CELF2: variants seen among roughly 807,000 people sequenced by gnomAD.
CELF2 encodes the protein CUGBP Elav-like family member 2, also known as CUG triplet repeat RNA-binding protein 2.
CELF2 carries 8 observed loss-of-function variants against 62.6 expected under a neutral mutation model. The observed-to-expected ratio is 0.13, with a 90% CI of 0.07 to 0.23. The LOEUF is 0.23. Ranked by LOEUF, CELF2 falls within the 10% of genes least tolerant of loss-of-function variation. The probability of loss-of-function intolerance (pLI) is 1.00; values close to 1 mark genes in which losing one functional copy is unlikely to be tolerated. For synonymous variants in CELF2, 258 were observed against 250.0 expected (o/e 1.03, Z -0.30); for missense variants, 333 against 671.0 (o/e 0.50, Z 5.56).
chr10:10,986,534 A>C (rs1343271089), intron 2 of CELF2, among the ~76,000 whole-genome samples: 1 of 152,220 alleles, frequency 6.6e-6, no homozygotes, highest in Non-Finnish European at 1.5e-5. Context: ...ATTGATACCC[A>C]ATTAGTAGAA....
chr10:10,750,284 G>GAAAAA, the CELF2 span, among the ~76,000 whole-genome samples: 2 of 110,818 alleles, frequency 1.8e-5, no homozygotes, highest in Non-Finnish European at 2.0e-5. Flanking sequence ...CCATCTCAAA[G>GAAAAA]AAAAAAAAAA....
intron 9 of CELF2, among the ~76,000 whole-genome samples, chr10:11,304,812 A>G (rs1043779457): frequency 1.3e-5 from 2 of 152,038 alleles, no homozygotes; most frequent in Admixed American, 1.3e-4. Context: ...TCCATCTACA[A>G]TTTTCTCTTT....
intron 1 of CELF2, among the ~76,000 whole-genome samples, chr10:11,132,939 G>T (rs769066910): frequency 6.6e-6 from 1 of 152,214 alleles, no homozygotes; most frequent in Non-Finnish European, 1.5e-5. Context: ...GGTGATGGTG[G>T]TGGTGATCTG....
chr10:10,553,535 T>A, the CELF2 span, among the ~76,000 whole-genome samples: 1 of 152,038 alleles, frequency 6.6e-6, no homozygotes, highest in African/African-American at 2.4e-5. Flanking sequence ...CCACAGCACC[T>A]TATATGCCAG....
chr10:11,266,843 CTT>C (rs1176102220), intron 6 of CELF2, among the ~76,000 whole-genome samples, 166 bp downstream of exon 6: 1 of 135,708 alleles, frequency 7.4e-6, no homozygotes, highest in African/African-American at 2.7e-5. Flanking sequence ...CTCTCTCTCT[CTT>C]TCTCTATGCA....
At position 11,316,165 on chromosome 10, in the gene CELF2, G is replaced by A. The variant is rs751794405; in HGVS notation, c.1096+1907G>A. 6.6e-6 allele frequency among the ~76,000 whole-genome samples: 1 copy of A among 152,196 alleles called. No individual in the cohort carries two copies. The highest frequency in any genetic ancestry group is 1.5e-5 in the Non-Finnish European group (1 of 68,038). ...CTTGTGTGATACACATTTTGCTTCT[G>A]GCAAGGACAACAGGCTTAAATTGTT... On this transcript the variant is annotated intron_variant, in intron 10 of 12. Coordinates refer to ENST00000633077, the MANE Select transcript of CELF2 (RefSeq NM_001326342.2). The surrounding 1 kb of genome is among the most constrained non-coding windows in gnomAD (Gnocchi z 4.4).
chr10:10,513,673 G>C, the CELF2 span, among the ~76,000 whole-genome samples: 1 of 152,028 alleles, frequency 6.6e-6, no homozygotes, highest in Admixed American at 6.6e-5. Context: ...AATCCAAAAG[G>C]TGTATCTTAA....
chr10:10,673,944 T>C, the CELF2 span, among the ~76,000 whole-genome samples: 3 of 152,312 alleles, frequency 2.0e-5, no homozygotes, highest in African/African-American at 7.2e-5. Flanking sequence ...TAGCTCAGAA[T>C]ATTGTCTGTC....
chr10:11,279,051 T>C (rs923312359), intron 8 of CELF2, among the ~76,000 whole-genome samples: 2 of 152,212 alleles, frequency 1.3e-5, no homozygotes, highest in African/African-American at 4.8e-5. Flanking sequence ...ACAGGAAAGC[T>C]GCCTCCCTTC....
In CELF2 at chr10:11,177,353, C is replaced by T. The variant is rs2071578588; in HGVS notation, c.271+11671C>T. ...CTTTCTGTGTTGCTTCTTAAATATA[C>T]TCCTTCAAGTCAGGTTAGCTTACCT... On this transcript the variant is annotated intron_variant, in intron 2 of 12. Coordinates refer to ENST00000633077, the MANE Select transcript of CELF2 (RefSeq NM_001326342.2). This position sits in a 1 kb window ranked among gnomAD's most constrained non-coding sequence, Gnocchi z 4.8. 6.6e-6 allele frequency among the ~76,000 whole-genome samples: 1 copy of T among 151,060 alleles called. No individual in the cohort carries two copies. The highest frequency in any genetic ancestry group is 1.5e-5 in the Non-Finnish European group (1 of 67,876).
At chr10:11,262,738 C>G (rs1423694690) in intron 5 of CELF2, among the ~76,000 whole-genome samples, 2 of 152,122 alleles carry the variant, frequency 1.3e-5, no homozygotes, top group Non-Finnish European at 2.9e-5. Context: ...TTAAAAGATA[C>G]AAGGAAGATT....
At chr10:11,077,349 A>G (rs1467853794) in intron 1 of CELF2, among the ~76,000 whole-genome samples, 2 of 152,216 alleles carry the variant, frequency 1.3e-5, no homozygotes, top group African/African-American at 4.8e-5. Flanking sequence ...CAGGGAAAGT[A>G]AGGAAACACG....
chr10:10,491,831 G>A, the CELF2 span, among the ~76,000 whole-genome samples: 10 of 152,154 alleles, frequency 6.6e-5, no homozygotes, highest in Non-Finnish European at 1.2e-4. Flanking sequence ...CACGTCTAAA[G>A]AACATCTTTT....
chr10:10,842,743 G>C (rs1395805421), intron 1 of CELF2, among the ~76,000 whole-genome samples: 1 of 151,992 alleles, frequency 6.6e-6, no homozygotes, highest in African/African-American at 2.4e-5. Context: ...ATATTAGACT[G>C]TCATTTTCCT....
intron 2 of CELF2, among the ~76,000 whole-genome samples, chr10:11,198,466 ATTTTGAATT>A (rs1454192256): frequency 1.3e-5 from 2 of 152,186 alleles, no homozygotes; most frequent in Non-Finnish European, 2.9e-5. Flanking sequence ...TCTGTTTAAT[ATTTTGAATT>A]TTTTGTTTGT....
intron 2 of CELF2, among the ~76,000 whole-genome samples, chr10:11,206,894 A>G (rs2060557824): frequency 6.6e-6 from 1 of 152,136 alleles, no homozygotes; most frequent in Non-Finnish European, 1.5e-5. Context: ...ACAAATGCAC[A>G]CGTCACCCTA....
intron 1 of CELF2, among the ~76,000 whole-genome samples, chr10:10,900,706 G>A (rs1002973175): frequency 6.6e-6 from 1 of 152,172 alleles, no homozygotes; most frequent in African/African-American, 2.4e-5. Context: ...ATTGCAGGTT[G>A]TAGCCAGCGC....
chr10:10,496,901 G>C, the CELF2 span, among the ~76,000 whole-genome samples: 1 of 151,992 alleles, frequency 6.6e-6, no homozygotes, highest in African/African-American at 2.4e-5. Context: ...ATAAAAACAA[G>C]ATGACCAGCT....
chr10:11,189,926 C>T (rs1056672249), intron 2 of CELF2, among the ~76,000 whole-genome samples: 114 of 152,316 alleles, frequency 7.5e-4, no homozygotes, highest in African/African-American at 2.6e-3. Context: ...CCCTTCATTA[C>T]CTTCATTTCC....
Sources: allele counts gnomAD v4.1 joint callset (sites outside exome capture counted in the v4.1 genomes callset), GRCh38; gene constraint gnomAD v4.1.1; non-coding constraint Gnocchi (gnomAD v3.1); transcripts MANE v1.5; gene names NCBI Gene and HGNC (gene_info 2026-07-23, HGNC 2026-07-21).